The following PARD3 variants were observed in gnomAD, a reference collection of about 807,000 sequenced individuals.
PARD3 encodes the protein partitioning defective 3 homolog.
A neutral mutation model predicts 155.4 loss-of-function variants in PARD3; 75 were observed. The observed-to-expected ratio is 0.48, with a 90% CI of 0.40 to 0.58. The LOEUF is 0.58. Among genes scored for constraint, PARD3 ranks in the 20% least tolerant of loss-of-function variants. The pLI is 0.00. For missense variants in PARD3, 1,642 were observed against 1,721.7 expected, an observed-to-expected ratio of 0.95 and a Z score of 0.82; for synonymous variants, 576 against 610.5, an observed-to-expected ratio of 0.94 and a Z score of 0.83.
intron 19 of PARD3, among the ~76,000 whole-genome samples, chr10:34,319,822 G>A (rs1216861482): frequency 6.6e-6 from 1 of 151,986 alleles, no homozygotes; most frequent in East Asian, 1.9e-4. Context: ...TTGAGATATG[G>A]GTGTGGCCAC....
intron 15 of PARD3, chr10:34,343,330 C>G: frequency 2.1e-6 from 2 of 968,284 alleles, no homozygotes; most frequent in Non-Finnish European, 2.5e-6. Flanking sequence ...TGGTTTTACA[C>G]AATATATTCT....
chr10:34,309,548 C>CAAAAAAAAAA lies in PARD3; in HGVS notation c.3065+7549_3065+7558dup, dbSNP rs1173904388. Reference sequence around the variant, plus strand: ...CTCCTGCTGAGCAAGACCCTGTCTCCAAAAAAAAAAAAAAAAAAAAAAAAA... The same window carrying CAAAAAAAAAA: ...CTCCTGCTGAGCAAGACCCTGTCTCCAAAAAAAAAAAAAAAAAAAAAAAAAAAAAAAAAAA... On this transcript the variant is annotated intron_variant, in intron 20 of 24. Transcript: ENST00000374788. 2.3e-4 allele frequency among the ~76,000 whole-genome samples: 15 copies of CAAAAAAAAAA among 64,026 alleles called. No homozygotes were observed. In the South Asian group the frequency reaches 2.9e-3, roughly 12 times the overall value. 42.0% of individuals were successfully genotyped at this position (64,026 alleles called of 152,430 possible).
At chr10:34,679,605 A>G (rs955110535) in intron 2 of PARD3, among the ~76,000 whole-genome samples, 2 of 152,156 alleles carry the variant, frequency 1.3e-5, no homozygotes, top group African/African-American at 4.8e-5. Flanking sequence ...CACAAAACAA[A>G]ATAGTCACAA....
At chr10:34,705,412 C>G (rs1590739993) in intron 1 of PARD3, among the ~76,000 whole-genome samples, 1 of 150,970 alleles carries the variant, frequency 6.6e-6, no homozygotes, top group Admixed American at 6.6e-5. Context: ...CACTTGAGCC[C>G]GGGAGGTGGA....
At chr10:34,355,944 AAACAAAACAAAACC>A (rs1414959760) in intron 14 of PARD3, among the ~76,000 whole-genome samples, 6 of 130,070 alleles carry the variant, frequency 4.6e-5, no homozygotes, top group African/African-American at 1.6e-4. Context: ...AAAAAAAAAA[AAACAAAACAAAACC>A]AAACAAAAAA....
At chr10:34,230,205 A>G (rs10508799) in intron 22 of PARD3, among the ~76,000 whole-genome samples, 3,312 of 152,204 alleles carry the variant, frequency 0.022, 52 homozygotes, top group Middle Eastern at 0.044. Flanking sequence ...ATACCATAGA[A>G]CATAAACCTA....
intron 1 of PARD3, among the ~76,000 whole-genome samples, chr10:34,811,878 G>A (rs1844223471): frequency 6.6e-6 from 1 of 152,164 alleles, no homozygotes; most frequent in Admixed American, 6.6e-5. Flanking sequence ...GCGCCCTCAT[G>A]AGAACGGTCC....
intron 22 of PARD3, among the ~76,000 whole-genome samples, chr10:34,231,013 C>T (rs542309248): frequency 1.7e-4 from 26 of 151,934 alleles, no homozygotes; most frequent in African/African-American, 5.6e-4. Flanking sequence ...GGTGACAGAG[C>T]GAGACCCTGT....
intron 2 of PARD3, among the ~76,000 whole-genome samples, chr10:34,535,828 ATAGT>A (rs752064000): frequency 2.2e-4 from 33 of 151,942 alleles, no homozygotes; most frequent in African/African-American, 3.6e-4. Flanking sequence ...AAAAAAAAAA[ATAGT>A]TAGGCTTTAA....
chr10:34,803,823 A>T (rs1471192887), intron 1 of PARD3, among the ~76,000 whole-genome samples: 3 of 152,144 alleles, frequency 2.0e-5, no homozygotes, highest in Non-Finnish European at 4.4e-5. Flanking sequence ...AAATAAAAAT[A>T]AAAAATAACA....
chr10:34,750,846 A>G (rs7908823), intron 1 of PARD3, among the ~76,000 whole-genome samples: 146,253 of 152,104 alleles, frequency 0.96, 70,334 homozygotes, highest in East Asian at 0.99. Context: ...ACACCACCAC[A>G]CTCAGCTAGT....
intron 2 of PARD3, among the ~76,000 whole-genome samples, chr10:34,619,993 A>G (rs2091538061): frequency 6.6e-6 from 1 of 152,166 alleles, no homozygotes; most frequent in African/African-American, 2.4e-5. Flanking sequence ...AAATACCTTG[A>G]GGCCAGGCAC....
intron 2 of PARD3, among the ~76,000 whole-genome samples, chr10:34,618,225 G>A (rs967218362): frequency 6.6e-6 from 1 of 152,148 alleles, no homozygotes; most frequent in African/African-American, 2.4e-5. Context: ...CATTAACAAT[G>A]ACCTACACTC....
intron 1 of PARD3, among the ~76,000 whole-genome samples, chr10:34,698,766 A>G (rs1759992990): frequency 1.3e-5 from 2 of 152,256 alleles, no homozygotes; most frequent in African/African-American, 4.8e-5. Context: ...TCAGGTGTCA[A>G]GCGTGAGCCT....
chr10:34,274,509 GA>G (rs1019917355), intron 21 of PARD3, among the ~76,000 whole-genome samples: 1 of 152,100 alleles, frequency 6.6e-6, no homozygotes, highest in African/African-American at 2.4e-5. Flanking sequence ...ACTCAATTAT[GA>G]TCACTTATCT....
intron 22 of PARD3, among the ~76,000 whole-genome samples, chr10:34,147,735 A>G (rs542932672): frequency 6.6e-6 from 1 of 152,192 alleles, no homozygotes; most frequent in African/African-American, 2.4e-5. Flanking sequence ...AATTTTTTAA[A>G]AAAATCTTTC....
chr10:34,245,303 G>A (rs912610213), intron 22 of PARD3, among the ~76,000 whole-genome samples: 2 of 152,140 alleles, frequency 1.3e-5, no homozygotes, highest in Admixed American at 6.5e-5. Context: ...AATGCTTGAC[G>A]CAATATGGGA....
In PARD3 at chr10:34,378,117, G is replaced by A; in HGVS notation, c.1400-11C>T. 1 of 1,564,386 alleles carries A rather than the reference G, an allele frequency of 6.4e-7. No homozygotes were observed. On this transcript the variant is annotated splice_polypyrimidine_tract_variant and intron_variant, in intron 9 of 24. Coordinates refer to ENST00000374788, the MANE Select transcript of PARD3 (RefSeq NM_001184785.2). ...CCAAACCTTCTGTACCTAGGTATGT[G>A]AAGGAGAAGAAAAGTAAATAAAATG...
intron 3 of PARD3, among the ~76,000 whole-genome samples, chr10:34,470,732 A>G (rs972223462): frequency 4.6e-5 from 7 of 152,242 alleles, no homozygotes; most frequent in South Asian, 2.1e-4. Flanking sequence ...ATCATCACAT[A>G]TATCATTTAA....
Sources: gnomAD v4.1 joint callset for allele counts (sites outside exome capture counted in the v4.1 genomes callset) on GRCh38, gnomAD v4.1.1 for gene constraint, MANE v1.5 for transcripts, NCBI Gene and HGNC (gene_info 2026-07-23, HGNC 2026-07-21) for gene names.